NTM: variants seen among roughly 807,000 people sequenced by gnomAD.
The protein encoded by NTM is neurotrimin.
NTM carries 13 observed loss-of-function variants against 42.1 expected under a neutral mutation model. That is an observed-to-expected ratio of 0.31 (90% CI 0.20 to 0.49). The LOEUF (loss-of-function observed/expected upper bound fraction) is 0.49. Among genes scored for constraint, NTM ranks in the 20% least tolerant of loss-of-function variants. The probability of loss-of-function intolerance (pLI) is 0.99; values close to 1 mark genes in which losing one functional copy is unlikely to be tolerated. For synonymous variants in NTM, 187 were observed against 179.2 expected (o/e 1.04, Z -0.35); for missense variants, 373 against 452.8 (o/e 0.82, Z 1.60).
chr11:131,931,113 A>T (rs951320455), intron 2 of NTM, among the ~76,000 whole-genome samples: 10 of 152,194 alleles, frequency 6.6e-5, no homozygotes, highest in African/African-American at 2.4e-4. Context: ...TAAAAAATTA[A>T]ATTTTGGATT....
intron 2 of NTM, among the ~76,000 whole-genome samples, chr11:132,029,457 T>A (rs1209013643): frequency 6.6e-6 from 1 of 151,478 alleles, no homozygotes; most frequent in Non-Finnish European, 1.5e-5. Flanking sequence ...TTTTTGTCCT[T>A]GCGATAGTTT....
intron 2 of NTM, among the ~76,000 whole-genome samples, chr11:132,047,292 A>C (rs546585284): frequency 6.6e-6 from 1 of 152,362 alleles, no homozygotes; most frequent in Admixed American, 6.5e-5. Flanking sequence ...ATTTCACACA[A>C]AGTCTCCAGG....
chr11:132,169,004 G>C (rs73038221), intron 3 of NTM, among the ~76,000 whole-genome samples: 9,657 of 64,746 alleles, frequency 0.15, 361 homozygotes, highest in Middle Eastern at 0.25. Context: ...ATGCAGAACT[G>C]ATTTTAGAGC....
At chr11:131,395,254 T>G (rs1944421803) in intron 1 of NTM, among the ~76,000 whole-genome samples, 1 of 152,064 alleles carries the variant, frequency 6.6e-6, no homozygotes, top group South Asian at 2.1e-4. Context: ...TCAGTTGAAG[T>G]CCCCAAGGAA....
intron 4 of NTM, among the ~76,000 whole-genome samples, chr11:132,281,891 T>C (rs759189258): frequency 6.6e-5 from 10 of 152,236 alleles, no homozygotes; most frequent in Non-Finnish European, 1.5e-4. Context: ...AAAAGTATTG[T>C]GATATTAATA....
chr11:131,942,992 A>G (rs537839644), intron 2 of NTM, among the ~76,000 whole-genome samples: 1 of 151,070 alleles, frequency 6.6e-6, no homozygotes, highest in Non-Finnish European at 1.5e-5. Context: ...GGGCTACCGC[A>G]GGGCATTCCT....
chr11:131,561,779 G>A (rs925472665), intron 1 of NTM, among the ~76,000 whole-genome samples: 14 of 151,824 alleles, frequency 9.2e-5, no homozygotes, highest in East Asian at 1.9e-4. Flanking sequence ...TCATTCCTTC[G>A]GCCTTCATCA....
At chr11:131,857,062 G>GGTTTAATCC (rs2046180595) in intron 1 of NTM, among the ~76,000 whole-genome samples, 1 of 152,028 alleles carries the variant, frequency 6.6e-6, no homozygotes, top group Non-Finnish European at 1.5e-5. Flanking sequence ...TGTTTAACTT[G>GGTTTAATCC]GTTTAATCCA....
chr11:131,435,087 A>G (rs1351996250), intron 1 of NTM, among the ~76,000 whole-genome samples: 1 of 152,184 alleles, frequency 6.6e-6, no homozygotes. Context: ...TTTGTTAAAG[A>G]TCAGATGGTT....
At chr11:132,014,644 C>T (rs1044277153) in intron 2 of NTM, among the ~76,000 whole-genome samples, 2 of 150,776 alleles carry the variant, frequency 1.3e-5, no homozygotes, top group African/African-American at 4.9e-5. Context: ...GTGATGTTGA[C>T]CATTTTTTTC....
chr11:131,475,921 C>T (rs1952886699), intron 1 of NTM, among the ~76,000 whole-genome samples: 2 of 152,074 alleles, frequency 1.3e-5, no homozygotes, highest in Non-Finnish European at 2.9e-5. Context: ...TATGTATTGA[C>T]CACCTATTAT....
intron 7 of NTM, 105 bp downstream of exon 7, chr11:132,314,808 C>G: frequency 7.1e-7 from 1 of 1,408,286 alleles, no homozygotes; most frequent in Non-Finnish European, 9.2e-7. Flanking sequence ...AGCAGGGTAT[C>G]AGTGGACATG....
intron 2 of NTM, among the ~76,000 whole-genome samples, chr11:132,123,879 C>T (rs1262875963): frequency 6.6e-6 from 1 of 152,156 alleles, no homozygotes; most frequent in Non-Finnish European, 1.5e-5. Context: ...CCCATCCCAT[C>T]CCACTTTCTC....
intron 4 of NTM, among the ~76,000 whole-genome samples, chr11:132,217,356 T>TGTGTGTGTGTGTGTGTGTGTGTGTG (rs1491403568): frequency 7.4e-6 from 1 of 135,238 alleles, no homozygotes; most frequent in African/African-American, 2.8e-5. Context: ...CTCTCTCTCT[T>TGTGTGTGTGTGTGTGTGTGTGTGTG]TCTGTGTGTG....
chr11:131,852,735 G>A (rs979860793), intron 1 of NTM, among the ~76,000 whole-genome samples: 1 of 151,862 alleles, frequency 6.6e-6, no homozygotes. Context: ...ACCCACCGAT[G>A]GATTTATCCA....
intron 1 of NTM, among the ~76,000 whole-genome samples, chr11:131,432,649 CAAGTGTAATTT>C: frequency 6.6e-6 from 1 of 152,028 alleles, no homozygotes. Flanking sequence ...AATAGTACTA[CAAGTGTAATTT>C]TCAAAAGAAA....
At chr11:131,605,817 A>G (rs1246547641) in intron 1 of NTM, 1 of 984,944 alleles carries the variant, frequency 1.0e-6, no homozygotes, top group East Asian at 1.1e-4. Flanking sequence ...CTTGGTAGAC[A>G]GCCCTATTTC....
intron 2 of NTM, among the ~76,000 whole-genome samples, chr11:132,131,383 C>T (rs1040745288): frequency 1.3e-5 from 2 of 152,140 alleles, no homozygotes; most frequent in Admixed American, 6.5e-5. Context: ...AACTAGGTAC[C>T]ATGGAAGGCA....
chr11:131,959,072 G>T (rs1341032723), intron 2 of NTM, among the ~76,000 whole-genome samples: 4 of 152,174 alleles, frequency 2.6e-5, no homozygotes, highest in Non-Finnish European at 5.9e-5. Context: ...GTTCGTGTCA[G>T]TGCTTTTTGT....
Sources: gnomAD v4.1 joint callset for allele counts (sites outside exome capture counted in the v4.1 genomes callset) on GRCh38, gnomAD v4.1.1 for gene constraint, MANE v1.5 for transcripts, NCBI Gene and HGNC (gene_info 2026-07-23, HGNC 2026-07-21) for gene names.